Variants in SLC12A9 observed in about 807,000 individuals in gnomAD.
The protein encoded by SLC12A9 is solute carrier family 12 member 9, also known as CCC-interacting protein 1.
Under a neutral mutation model 66.0 loss-of-function variants are expected in SLC12A9, and 55 were observed. The ratio of observed to expected loss-of-function variants is 0.83; its 90% confidence interval spans 0.67 to 1.04. The LOEUF (loss-of-function observed/expected upper bound fraction) is 1.04, where lower values mean the gene tolerates loss of function less well. Among genes scored for constraint, SLC12A9 ranks in the 50% least tolerant of loss-of-function variants. SLC12A9 has a pLI of 0.00. For missense variants in SLC12A9, 1,061 were observed against 1,241.9 expected, an observed-to-expected ratio of 0.85 and a Z score of 2.19; for synonymous variants, 577 against 569.0, an observed-to-expected ratio of 1.01 and a Z score of -0.20.
intron 1 of SLC12A9, among the ~76,000 whole-genome samples, chr7:100,831,620 G>A (rs1010766074): frequency 2.0e-5 from 3 of 152,192 alleles, no homozygotes; most frequent in Non-Finnish European, 2.9e-5. Flanking sequence ...GACCCCGCGC[G>A]GGGACCATGC....
In SLC12A9 at chr7:100,862,730, C is replaced by A. The variant is rs1435890397; in HGVS notation, c.1761C>A (p.Ser587Arg). 2 of 1,614,112 alleles carry A rather than the reference C, an allele frequency of 1.2e-6. No individual in the cohort carries two copies. The highest frequency in any genetic ancestry group is 1.7e-6 in the Non-Finnish European group (2 of 1,180,056). The change falls in exon 13 of 14, where the codon AGC (serine) becomes AGA (arginine). Residue 587 changes from serine (S) to arginine (R), a missense_variant. Physicochemically the swap from Ser to Arg is moderately radical, Grantham distance 110. Transcript: ENST00000354161. Reference protein sequence around the residue: ...PVQPQYGAWLSLVDRAQVKAF... With the variant: ...PVQPQYGAWLRLVDRAQVKAF... Reference sequence around the variant, plus strand: ...AGCCGCAGTATGGGGCATGGCTCAGCCTGGTGGACCGTGCCCAGGTGAAGG... The same window carrying A: ...AGCCGCAGTATGGGGCATGGCTCAGACTGGTGGACCGTGCCCAGGTGAAGG...
At chr7:100,856,025 GGGA>G in intron 4 of SLC12A9, 188 bp downstream of exon 4, 2 of 826,474 alleles carry the variant, frequency 2.4e-6, no homozygotes, top group Non-Finnish European at 3.4e-6. Context: ...CTTGCCTGCA[GGGA>G]GCTAACCATC....
At chr7:100,833,667 G>C (rs903379643) in intron 1 of SLC12A9, among the ~76,000 whole-genome samples, 1 of 152,016 alleles carries the variant, frequency 6.6e-6, no homozygotes, top group East Asian at 1.9e-4. Context: ...GGGTGTGGTG[G>C]CTCACACCTA....
At chr7:100,838,927 G>A (rs1007528195) in intron 1 of SLC12A9, among the ~76,000 whole-genome samples, 6 of 151,978 alleles carry the variant, frequency 3.9e-5, no homozygotes, top group South Asian at 2.1e-4. Flanking sequence ...GTTTTGTTCC[G>A]ATCTAATTAC....
In SLC12A9 at chr7:100,866,847, C is replaced by T. The variant is rs1444974137; in HGVS notation, c.*242C>T. 4.7e-6 allele frequency: 2 copies of T among 427,228 alleles called. No individual in the cohort carries two copies. Among genetic ancestry groups the T allele is most frequent in the Non-Finnish European group, 8.2e-6 (2 of 243,082 alleles). The allele number at this position is 427,228 out of a possible 1,614,324, so 26.5% of individuals were successfully genotyped here. A position where few individuals can be genotyped will look rare whatever the true frequency, so the allele number is the denominator to read the frequency against. ...TGCAGGGGAGGGAGTCCGCAGCCTCCCTTCACTGGTGCCTTGATGCTAGGG... is the reference window on the plus strand; with the variant it reads ...TGCAGGGGAGGGAGTCCGCAGCCTCTCTTCACTGGTGCCTTGATGCTAGGG... On this transcript the variant is annotated 3_prime_UTR_variant, in exon 14 of 14. Transcript: ENST00000354161. This position sits in a 1 kb window ranked among gnomAD's most constrained non-coding sequence, Gnocchi z 7.3.
chr7:100,866,662 C>G lies in SLC12A9; in HGVS notation c.*57C>G. ...CCCAGGCAGGCGGCCTATCCTGATCCTTGGAGGAGGAGGAAGAGGAGGCCA... is the reference window on the plus strand; with the variant it reads ...CCCAGGCAGGCGGCCTATCCTGATCGTTGGAGGAGGAGGAAGAGGAGGCCA... On this transcript the variant is annotated 3_prime_UTR_variant, in exon 14 of 14. Coordinates refer to ENST00000354161, the MANE Select transcript of SLC12A9 (RefSeq NM_020246.4). This position sits in a 1 kb window ranked among gnomAD's most constrained non-coding sequence, Gnocchi z 7.3. The G allele has an allele frequency of 3.5e-6, 5 of 1,425,238 alleles. No homozygotes were observed. Among genetic ancestry groups the G allele is most frequent in the Non-Finnish European group, 4.6e-6 (5 of 1,085,096 alleles). The allele number at this position is 1,425,238 out of a possible 1,614,324, so 88.3% of individuals were successfully genotyped here.
At chr7:100,852,858 GC>G (rs1389967848) in intron 1 of SLC12A9, 23 bp downstream of exon 1, 2 of 152,302 alleles carry the variant, frequency 1.3e-5, no homozygotes, top group African/African-American at 2.4e-5. Context: ...GCGCCTCGCG[GC>G]CCCCGAGCTG....
intron 1 of SLC12A9, among the ~76,000 whole-genome samples, chr7:100,845,561 G>C (rs1423746919): frequency 6.6e-6 from 1 of 152,078 alleles, no homozygotes. Flanking sequence ...ATGTAAGCCA[G>C]GATGGTCTCG....
rs1241578212 is a variant in SLC12A9, at chr7:100,859,120, C to G, written c.936C>G (p.Val312=). The stretch of plus-strand genomic sequence containing the variant: ...TCGCCGTCGCCTACACCTTCTTCGT[C>G]TATGTCCTGCTTTTCTTTCTCTCCA... ...TIVAVAYTFF[V]YVLLFFLSSF... is the part of the protein sequence containing the mutation. The change falls in exon 7 of 14, where the codon GTC becomes GTG. Residue 312 remains valine, a synonymous_variant. Transcript: ENST00000354161. 6.2e-7 allele frequency: 1 copy of G among 1,614,100 alleles called. No individual in the cohort carries two copies. Among genetic ancestry groups the G allele is most frequent in the East Asian group, 2.2e-5 (1 of 44,878 alleles).
In SLC12A9 at chr7:100,866,501, G is replaced by A; in HGVS notation, c.2641G>A (p.Ala881Thr). ...CTTGCCTCGGCCGCCAGCCGATCCCGCCCGATACCCCCGCTACCTGGCGCT... is the reference window on the plus strand; with the variant it reads ...CTTGCCTCGGCCGCCAGCCGATCCCACCCGATACCCCCGCTACCTGGCGCT... ...LYLPRPPADP[A>T]RYPRYLALLE... Residue 881 changes from alanine (A) to threonine (T), a missense_variant, in exon 14 of 14, where the codon GCC becomes ACC. Ala to Thr is a moderately conservative substitution (Grantham distance 58, BLOSUM62 0). Coordinates refer to ENST00000354161, the MANE Select transcript of SLC12A9 (RefSeq NM_020246.4). The surrounding 1 kb of genome is among the most constrained non-coding windows in gnomAD (Gnocchi z 7.3). 4.5e-6 allele frequency: 7 copies of A among 1,563,284 alleles called. No individual in the cohort carries two copies. The highest frequency in any genetic ancestry group is 5.2e-6 in the Non-Finnish European group (6 of 1,154,662).
intron 1 of SLC12A9, among the ~76,000 whole-genome samples, chr7:100,853,851 C>A (rs1392106316): frequency 1.3e-5 from 2 of 152,114 alleles, no homozygotes; most frequent in Non-Finnish European, 2.9e-5. Flanking sequence ...GCCTCAGCCT[C>A]CCAAGTAGCT....
intron 13 of SLC12A9, chr7:100,865,297 G>A (rs1380504762): frequency 5.2e-6 from 8 of 1,535,628 alleles, no homozygotes; most frequent in African/African-American, 1.4e-5. Context: ...AGTCTGGGAC[G>A]CTATTACCCT....
intron 1 of SLC12A9, among the ~76,000 whole-genome samples, chr7:100,839,912 G>C (rs1327575304): frequency 6.6e-6 from 1 of 151,768 alleles, no homozygotes; most frequent in Non-Finnish European, 1.5e-5. Flanking sequence ...GCGTGGTGGT[G>C]GGTGCCTGTA....
chr7:100,843,313 T>A (rs759125636), intron 1 of SLC12A9, among the ~76,000 whole-genome samples: 2 of 152,248 alleles, frequency 1.3e-5, no homozygotes, highest in Non-Finnish European at 2.9e-5. Flanking sequence ...CAGATCAATT[T>A]AAAGCTTGAA....
intron 7 of SLC12A9, chr7:100,859,622 G>T: frequency 2.2e-6 from 1 of 460,314 alleles, no homozygotes; most frequent in South Asian, 3.1e-5. Flanking sequence ...GAGGTGGGAG[G>T]ATTGCTTGAG....
In SLC12A9 at chr7:100,861,399, T is replaced by C; in HGVS notation, c.1351T>C (p.Phe451Leu). ...TCCCCTCCATGCCCGCAGCCCCACC[T>C]TCAGCCTGTTCTCCTGGCACACCTG... ...WASAPNFRPT[F>L]SLFSWHTCLL... The change falls in exon 11 of 14, where the codon TTC becomes CTC. Residue 451 changes from phenylalanine (F) to leucine (L), a missense_variant. Physicochemically the swap from Phe to Leu is conservative, Grantham distance 22 (BLOSUM62 0). Transcript: ENST00000354161. This position sits in a 1 kb window ranked among gnomAD's most constrained non-coding sequence, Gnocchi z 5.3. 6.2e-7 allele frequency: 1 copy of C among 1,613,678 alleles called. No individual in the cohort carries two copies. The highest frequency in any genetic ancestry group is 8.5e-7 in the Non-Finnish European group (1 of 1,179,938).
intron 9 of SLC12A9, 110 bp downstream of exon 9, chr7:100,860,342 T>C: frequency 2.6e-6 from 3 of 1,143,986 alleles, no homozygotes; most frequent in Non-Finnish European, 3.7e-6. Flanking sequence ...GCGTATGCAC[T>C]TGGGGTTGCA....
chr7:100,849,099 G>C (rs558909975), upstream of SLC12A9, among the ~76,000 whole-genome samples: 3 of 150,604 alleles, frequency 2.0e-5, no homozygotes, highest in African/African-American at 7.3e-5. Context: ...GCTAATTTTT[G>C]TATTTTTAGT....
At chr7:100,830,631 A>C (rs1813526504) in intron 1 of SLC12A9, among the ~76,000 whole-genome samples, 1 of 151,954 alleles carries the variant, frequency 6.6e-6, no homozygotes, top group South Asian at 2.1e-4. Flanking sequence ...GAATGAAAAA[A>C]TGAAATCTTT....
Sources: allele counts gnomAD v4.1 joint callset (sites outside exome capture counted in the v4.1 genomes callset), GRCh38; gene constraint gnomAD v4.1.1; non-coding constraint Gnocchi (gnomAD v3.1); transcripts MANE v1.5; gene names NCBI Gene and HGNC (gene_info 2026-07-23, HGNC 2026-07-21).